Variants in CSMD1 observed in about 807,000 individuals in gnomAD.
The protein encoded by CSMD1 is CUB and Sushi multiple domains 1.
Under a neutral mutation model 417.5 loss-of-function variants are expected in CSMD1, and 213 were observed. The observed-to-expected ratio is 0.51, with a 90% CI of 0.46 to 0.57. The LOEUF is 0.57. CSMD1 is among the 20% of genes least tolerant of loss of function. CSMD1 has a pLI of 0.00. For synonymous variants in CSMD1, 2,862 were observed against 1,736.8 expected (o/e 1.65, Z -16.11); for missense variants, 6,923 against 4,529.7 (o/e 1.53, Z -15.17).
At chr8:4,465,248 T>C (rs1450982788) in intron 2 of CSMD1, among the ~76,000 whole-genome samples, 2 of 152,156 alleles carry the variant, frequency 1.3e-5, no homozygotes, top group East Asian at 3.9e-4. Context: ...AGTATGTGTC[T>C]CTTTCATCTT....
chr8:2,950,631 T>TA (rs1802564515), intron 66 of CSMD1, among the ~76,000 whole-genome samples: 2 of 152,128 alleles, frequency 1.3e-5, no homozygotes, highest in Non-Finnish European at 1.5e-5. Flanking sequence ...TTTTGCTAAT[T>TA]AAAAAATCTC....
chr8:4,784,185 T>C (rs1197708453), intron 1 of CSMD1, among the ~76,000 whole-genome samples: 8 of 152,234 alleles, frequency 5.3e-5, no homozygotes, highest in East Asian at 1.9e-4. Flanking sequence ...AGTTTGTTCT[T>C]ACAAAATGAA....
At chr8:3,257,021 A>C (rs1052135304) in intron 26 of CSMD1, among the ~76,000 whole-genome samples, 1 of 152,182 alleles carries the variant, frequency 6.6e-6, no homozygotes, top group African/African-American at 2.4e-5. Flanking sequence ...TTATTCCTTC[A>C]TTCAGAAATA....
At chr8:3,713,363 A>T (rs903141189) in intron 6 of CSMD1, among the ~76,000 whole-genome samples, 3 of 152,172 alleles carry the variant, frequency 2.0e-5, no homozygotes, top group African/African-American at 7.2e-5. Context: ...TGTTTTTAAA[A>T]TGGCAATAAT....
At chr8:3,491,944 G>A (rs554613129) in intron 11 of CSMD1, among the ~76,000 whole-genome samples, 2 of 152,162 alleles carry the variant, frequency 1.3e-5, no homozygotes, top group Non-Finnish European at 2.9e-5. Context: ...CCGGAGGCTT[G>A]CTCACAGCCC....
intron 1 of CSMD1, among the ~76,000 whole-genome samples, chr8:4,872,786 T>C (rs759836445): frequency 1.9e-4 from 29 of 152,282 alleles, no homozygotes; most frequent in Non-Finnish European, 2.4e-4. Flanking sequence ...AGTTCACTTT[T>C]TGTGATCAAA....
intron 5 of CSMD1, among the ~76,000 whole-genome samples, chr8:3,992,407 G>C (rs1814824876): frequency 6.6e-6 from 1 of 152,100 alleles, no homozygotes; most frequent in Non-Finnish European, 1.5e-5. Flanking sequence ...TCAGTGATTG[G>C]CTGAAGTTAA....
chr8:3,383,724 C>T (rs888201532), intron 18 of CSMD1, among the ~76,000 whole-genome samples: 10 of 151,858 alleles, frequency 6.6e-5, no homozygotes, highest in East Asian at 1.9e-4. Context: ...GTAAGATAAA[C>T]GCATGTGACC....
intron 3 of CSMD1, among the ~76,000 whole-genome samples, chr8:4,229,799 CT>C (rs534332464): frequency 6.6e-6 from 1 of 152,138 alleles, no homozygotes; most frequent in Non-Finnish European, 1.5e-5. Context: ...TCACTCCTTC[CT>C]TTTTTCCCTC....
chr8:4,354,481 A>G (rs1236127850), intron 3 of CSMD1, among the ~76,000 whole-genome samples: 2 of 152,192 alleles, frequency 1.3e-5, no homozygotes, highest in Non-Finnish European at 2.9e-5. Flanking sequence ...CATGGGGTGG[A>G]ATGTCAGAGA....
intron 5 of CSMD1, among the ~76,000 whole-genome samples, chr8:3,900,386 G>C (rs544232472): frequency 6.6e-6 from 1 of 151,992 alleles, no homozygotes; most frequent in South Asian, 2.1e-4. Context: ...AGTGCAGCTG[G>C]GTGACAGTAT....
chr8:4,282,453 C>T (rs952650604), intron 3 of CSMD1, among the ~76,000 whole-genome samples: 4 of 152,108 alleles, frequency 2.6e-5, no homozygotes, highest in African/African-American at 4.8e-5. Flanking sequence ...TGCCAGAGGA[C>T]GGAATGGTGC....
chr8:4,879,030 G>C lies in CSMD1; in HGVS notation c.85+115302C>G, dbSNP rs1803227046. The stretch of plus-strand genomic sequence containing the variant: ...GCAAGGGACAGGATATTTGGGGTTT[G>C]AGAAAAGATTTCAAGGGTTAAGGTA... On this transcript the variant is annotated intron_variant, in intron 1 of 69. Transcript: ENST00000635120. 2.6e-5 allele frequency among the ~76,000 whole-genome samples: 4 copies of C among 151,994 alleles called. No homozygotes were observed. In the South Asian group the frequency reaches 8.3e-4, roughly 32 times the overall value.
intron 1 of CSMD1, among the ~76,000 whole-genome samples, chr8:4,924,914 T>C (rs999708543): frequency 6.6e-6 from 1 of 152,194 alleles, no homozygotes; most frequent in Non-Finnish European, 1.5e-5. Flanking sequence ...CCAAATCTTG[T>C]CTCTTCAAAT....
At chr8:3,167,494 G>A (rs1820305465) in intron 37 of CSMD1, among the ~76,000 whole-genome samples, 2 of 152,130 alleles carry the variant, frequency 1.3e-5, no homozygotes, top group Admixed American at 6.6e-5. Flanking sequence ...ACAAAACGCA[G>A]GCATTGGGAA....
At chr8:3,902,749 C>T (rs1807841268) in intron 5 of CSMD1, among the ~76,000 whole-genome samples, 1 of 152,090 alleles carries the variant, frequency 6.6e-6, no homozygotes, top group Admixed American at 6.5e-5. Flanking sequence ...TGCTGAGGTA[C>T]ACATTTCTTT....
At chr8:4,977,929 G>C (rs1266771417) in intron 1 of CSMD1, among the ~76,000 whole-genome samples, 1 of 152,158 alleles carries the variant, frequency 6.6e-6, no homozygotes, top group African/African-American at 2.4e-5. Flanking sequence ...CAATACCCAA[G>C]ACCTCACAAG....
intron 1 of CSMD1, among the ~76,000 whole-genome samples, chr8:4,937,897 T>C (rs1474889861): frequency 6.6e-6 from 1 of 152,166 alleles, no homozygotes; most frequent in Non-Finnish European, 1.5e-5. Context: ...CCTTGCTTGT[T>C]TTTCCTCTTT....
intron 8 of CSMD1, among the ~76,000 whole-genome samples, chr8:3,604,527 A>C (rs1453786522): frequency 1.3e-5 from 2 of 152,232 alleles, no homozygotes; most frequent in East Asian, 3.8e-4. Context: ...ACCACATAGG[A>C]TACCAACCGA....
Sources: allele counts gnomAD v4.1 joint callset (sites outside exome capture counted in the v4.1 genomes callset), GRCh38; gene constraint gnomAD v4.1.1; transcripts MANE v1.5; gene names NCBI Gene and HGNC (gene_info 2026-07-23, HGNC 2026-07-21).